CHST15: variants seen among roughly 807,000 people sequenced by gnomAD.
CHST15 encodes the protein carbohydrate sulfotransferase 15.
In CHST15, 30 loss-of-function variants were observed where a neutral mutation model predicts 53.6. The observed-to-expected ratio is 0.56, with a 90% CI of 0.42 to 0.76. The LOEUF (loss-of-function observed/expected upper bound fraction) is 0.76. Ranked by LOEUF, CHST15 falls within the 30% of genes least tolerant of loss-of-function variation. The pLI is 0.00. For synonymous variants in CHST15, 296 were observed against 289.8 expected (o/e 1.02, Z -0.22); for missense variants, 627 against 740.5 (o/e 0.85, Z 1.78).
chr10:124,078,357 TGG>T (rs1949138523), intron 1 of CHST15, among the ~76,000 whole-genome samples: 1 of 152,226 alleles, frequency 6.6e-6, no homozygotes. Flanking sequence ...ATCTGTAAAA[TGG>T]GGATGTTAAC....
intron 1 of CHST15, among the ~76,000 whole-genome samples, chr10:124,076,360 C>T (rs1371889246): frequency 2.0e-5 from 3 of 152,190 alleles, no homozygotes; most frequent in East Asian, 1.9e-4. Flanking sequence ...CCCAGATTCC[C>T]GATGCGTGGA....
chr10:124,045,127 A>C (rs796715314), intron 2 of CHST15, among the ~76,000 whole-genome samples: 129 of 125,150 alleles, frequency 1.0e-3, no homozygotes, highest in African/African-American at 4.9e-3. Context: ...AAAAAAAAAA[A>C]AAAAAAAAAA....
Position 124,010,118 on chromosome 10 carries a change from G to A in CHST15, c.*31C>T, listed in dbSNP as rs1401983678. 3.7e-6 allele frequency: 6 copies of A among 1,609,974 alleles called. No homozygotes were observed. Among genetic ancestry groups the A allele is most frequent in the Non-Finnish European group, 5.1e-6 (6 of 1,178,520 alleles). ...AAATCCTGATGATGACGGCATTGGC[G>A]GGCCCAGCACGTGCAGCAACAATTC... On this transcript the variant is annotated 3_prime_UTR_variant, in exon 8 of 8. Coordinates refer to ENST00000435907, the MANE Select transcript of CHST15 (RefSeq NM_001270764.2).
chr10:124,081,609 T>C (rs992357362), intron 1 of CHST15, among the ~76,000 whole-genome samples: 4 of 152,162 alleles, frequency 2.6e-5, no homozygotes, highest in African/African-American at 9.7e-5. Flanking sequence ...TAGATATCCA[T>C]AAGGATTTTA....
chr10:124,058,032 A>T (rs762794326), intron 1 of CHST15, among the ~76,000 whole-genome samples: 1 of 152,208 alleles, frequency 6.6e-6, no homozygotes, highest in Admixed American at 6.5e-5. Context: ...ACAATCAATA[A>T]TTTTTTCTGA....
At chr10:124,029,301 G>A (rs61863973) in intron 5 of CHST15, among the ~76,000 whole-genome samples, 11,605 of 152,260 alleles carry the variant, frequency 0.076, 679 homozygotes, top group Non-Finnish European at 0.11. Context: ...TGATCTGGAG[G>A]GAATGTCCAA....
At chr10:124,011,034 G>A (rs2133814379) in intron 7 of CHST15, 20 of 983,724 alleles carry the variant, frequency 2.0e-5, no homozygotes, top group African/African-American at 3.5e-5. Flanking sequence ...GCCACGCCCC[G>A]CCCTCTGGAG....
At chr10:124,081,265 TAGA>T (rs1350680544) in intron 1 of CHST15, among the ~76,000 whole-genome samples, 1 of 152,194 alleles carries the variant, frequency 6.6e-6, no homozygotes, top group Non-Finnish European at 1.5e-5. Flanking sequence ...AAATTCTCAT[TAGA>T]AGAATGATTA....
intron 5 of CHST15, among the ~76,000 whole-genome samples, chr10:124,037,948 A>C (rs1564872058): frequency 6.6e-6 from 1 of 152,096 alleles, no homozygotes; most frequent in Non-Finnish European, 1.5e-5. Context: ...GCCCCTGGTC[A>C]GGCCTGCTGG....
chr10:124,039,409 C>T (rs1406770540), intron 4 of CHST15, among the ~76,000 whole-genome samples: 7 of 152,200 alleles, frequency 4.6e-5, no homozygotes, highest in Non-Finnish European at 1.0e-4. Context: ...GAACACTAAC[C>T]CTTATGAGGA....
At chr10:124,013,142 C>T (rs776587663) in intron 6 of CHST15, among the ~76,000 whole-genome samples, 4 of 152,212 alleles carry the variant, frequency 2.6e-5, no homozygotes, top group African/African-American at 4.8e-5. Context: ...GCCTTTCCCT[C>T]GGCTCCTGGG....
chr10:124,044,797 CTT>C lies in CHST15; in HGVS notation c.667_668del (p.Lys223AlafsTer48). The C allele has an allele frequency of 6.2e-7, 1 of 1,607,246 alleles. No homozygotes were observed. The highest frequency in any genetic ancestry group is 8.5e-7 in the Non-Finnish European group (1 of 1,176,094). On this transcript the variant is annotated frameshift_variant, in exon 3 of 8. Coordinates refer to ENST00000435907, the MANE Select transcript of CHST15 (RefSeq NM_001270764.2). LOFTEE classifies it high-confidence loss of function. The stretch of plus-strand genomic sequence containing the variant: ...GGGCGTCGAAGGTGGAGCGGAAGCG[CTT>C]GGAGTAGAGCACGTAGGAGTTGGTG... ...YLTNSYVLYS[K>X]RFRSTFDALR...
At chr10:124,064,402 C>T (rs1948688120) in intron 1 of CHST15, among the ~76,000 whole-genome samples, 1 of 152,242 alleles carries the variant, frequency 6.6e-6, no homozygotes, top group Non-Finnish European at 1.5e-5. Flanking sequence ...CCTTCCCCAT[C>T]CTTGCAAAGG....
At chr10:124,035,539 C>A (rs1233962849) in intron 5 of CHST15, among the ~76,000 whole-genome samples, 2 of 151,454 alleles carry the variant, frequency 1.3e-5, no homozygotes, top group East Asian at 3.9e-4. Context: ...GGCTCCGCCC[C>A]CTAACAGGGA....
chr10:124,084,234 G>A (rs1330876943), intron 1 of CHST15, among the ~76,000 whole-genome samples: 1 of 152,196 alleles, frequency 6.6e-6, no homozygotes, highest in Non-Finnish European at 1.5e-5. Flanking sequence ...CTTGGTACCT[G>A]CCTCTCGGGG....
rs927134485 is a variant in CHST15, at chr10:124,019,280, C to T, written c.1347+1976G>A. ...GCCCCTTTCCTCCTGCCAGCCCCAG[C>T]CCTGAGACCGCCCTCAGGGAGCTGC... is the stretch of plus-strand genomic sequence containing the variant. On this transcript the variant is annotated intron_variant, in intron 6 of 7. Transcript: ENST00000435907. The surrounding 1 kb of genome is among the most constrained non-coding windows in gnomAD (Gnocchi z 4.6). Among the ~76,000 whole-genome samples, 3 of 152,210 alleles carry T rather than the reference C, an allele frequency of 2.0e-5. No homozygotes were observed. The highest frequency in any genetic ancestry group is 4.4e-5 in the Non-Finnish European group (3 of 68,024).
At chr10:124,021,232 G>T (rs779087512) in intron 6 of CHST15, 24 bp downstream of exon 6, 1 of 1,551,980 alleles carries the variant, frequency 6.4e-7, no homozygotes, top group East Asian at 2.4e-5. Flanking sequence ...CAGCTCGGGG[G>T]GTACGGGGGG....
Position 124,036,228 on chromosome 10 carries a change from C to T in CHST15, c.1190+2287G>A, listed in dbSNP as rs999023196. ...TGACAGTTATGTCACCATGAGAGCT[C>T]GGCTAGTGTGCGTCAGCCCTGCTGG... is the stretch of plus-strand genomic sequence containing the variant. On this transcript the variant is annotated intron_variant, in intron 5 of 7. Coordinates refer to ENST00000435907, the MANE Select transcript of CHST15 (RefSeq NM_001270764.2). This position sits in a 1 kb window ranked among gnomAD's most constrained non-coding sequence, Gnocchi z 5.1. Among the ~76,000 whole-genome samples, 7 of 152,170 alleles carry T rather than the reference C, an allele frequency of 4.6e-5. 1 individual carries two copies. Among genetic ancestry groups the T allele is most frequent in the African/African-American group, 9.7e-5 (4 of 41,440 alleles).
At position 124,046,185 on chromosome 10, in the gene CHST15, G is replaced by C; in HGVS notation, c.28C>G (p.Gln10Glu). 1 of 1,611,196 alleles carries C rather than the reference G, an allele frequency of 6.2e-7. No individual in the cohort carries two copies. ...TTGTGTGCGCCGTCGGGTAACAGCT[G>C]TATGCAGCAATTAATGCAGTGCCTC... The part of the protein sequence containing the change: MRHCINCCI[Q>E]LLPDGAHKQQ... The change falls in exon 2 of 8, where the codon CAG becomes GAG. Residue 10 changes from glutamine to glutamate, a missense_variant. Gln to Glu is a conservative substitution (Grantham distance 29, BLOSUM62 2). Around this residue, in one of 3 missense-constraint regions of CHST15, gnomAD observed 187 missense variants for 251.8 expected, o/e 0.74. Coordinates refer to ENST00000435907, the MANE Select transcript of CHST15 (RefSeq NM_001270764.2).
Sources: gnomAD v4.1 joint callset for allele counts (sites outside exome capture counted in the v4.1 genomes callset) on GRCh38, gnomAD v4.1.1 for gene constraint, gnomAD v4.1.1 regional missense constraint, Gnocchi (gnomAD v3.1) non-coding constraint, MANE v1.5 for transcripts, NCBI Gene and HGNC (gene_info 2026-07-23, HGNC 2026-07-21) for gene names.